Variants in FTCDNL1 observed in about 807,000 individuals in gnomAD.
The protein encoded by FTCDNL1 is formiminotransferase cyclodeaminase N-terminal like.
In FTCDNL1, 11 loss-of-function variants were observed where a neutral mutation model predicts 5.9. The observed-to-expected ratio is 1.87, with a 90% CI of 1.18 to 3.10. The LOEUF (loss-of-function observed/expected upper bound fraction) is 3.10, where lower values mean the gene tolerates loss of function less well. Ranked by LOEUF, FTCDNL1 falls within the 30% of genes most tolerant of loss-of-function variation. The pLI is 0.00. For missense variants in FTCDNL1, 115 were observed against 65.5 expected (o/e 1.76, Z -2.61); for synonymous variants, 58 against 24.8 (o/e 2.34, Z -3.99).
chr2:199,793,984 T>A (rs1700058039), intron 3 of FTCDNL1, among the ~76,000 whole-genome samples: 1 of 152,186 alleles, frequency 6.6e-6, no homozygotes, highest in Non-Finnish European at 1.5e-5. Flanking sequence ...TTTCTAATTA[T>A]CCCAGCTGAA....
intron 3 of FTCDNL1, among the ~76,000 whole-genome samples, chr2:199,843,882 T>C (rs773526089): frequency 1.3e-5 from 2 of 151,578 alleles, no homozygotes; most frequent in Non-Finnish European, 2.9e-5. Flanking sequence ...ACCTTACCCC[T>C]GGGGCTGAAA....
At chr2:199,825,646 G>A (rs1051662866) in intron 3 of FTCDNL1, among the ~76,000 whole-genome samples, 2 of 152,104 alleles carry the variant, frequency 1.3e-5, no homozygotes, top group African/African-American at 4.8e-5. Flanking sequence ...CATCTCTCTT[G>A]CTCCCTCACT....
chr2:199,705,662 AC>A, the FTCDNL1 span, among the ~76,000 whole-genome samples: 4 of 152,048 alleles, frequency 2.6e-5, no homozygotes, highest in African/African-American at 9.7e-5. Context: ...CTTGTTTCCT[AC>A]CTTAAAGAGA....
chr2:199,849,723 CCATACTT>C (rs1559257416), intron 1 of FTCDNL1, among the ~76,000 whole-genome samples: 1 of 152,128 alleles, frequency 6.6e-6, no homozygotes, highest in East Asian at 1.9e-4. Context: ...ACACATCTTT[CCATACTT>C]CAAATGATAT....
the FTCDNL1 span, among the ~76,000 whole-genome samples, chr2:199,713,884 G>C: frequency 6.6e-6 from 1 of 152,140 alleles, no homozygotes; most frequent in Non-Finnish European, 1.5e-5. Context: ...AGTGATGCCA[G>C]AAATGACATC....
At chr2:199,685,962 T>C in the FTCDNL1 span, among the ~76,000 whole-genome samples, 1 of 152,222 alleles carries the variant, frequency 6.6e-6, no homozygotes, top group Non-Finnish European at 1.5e-5. Flanking sequence ...GTCTGGAACA[T>C]GAATAGTTAC....
chr2:199,767,982 A>G (rs72922398), intron 3 of FTCDNL1, among the ~76,000 whole-genome samples: 4,694 of 152,334 alleles, frequency 0.031, 123 homozygotes, highest in East Asian at 0.14. Flanking sequence ...GAAATTTCTC[A>G]ATTAACTGAC....
At chr2:199,761,709 C>T (rs1288364311) in intron 3 of FTCDNL1, among the ~76,000 whole-genome samples, 1 of 152,170 alleles carries the variant, frequency 6.6e-6, no homozygotes, top group Non-Finnish European at 1.5e-5. Context: ...CCAACATCTT[C>T]ATCCACTACA....
chr2:199,833,577 G>A (rs953199012), intron 3 of FTCDNL1, among the ~76,000 whole-genome samples: 2 of 152,236 alleles, frequency 1.3e-5, no homozygotes, highest in African/African-American at 2.4e-5. Context: ...TATCAGCAAT[G>A]TATAAATAGC....
the FTCDNL1 span, among the ~76,000 whole-genome samples, chr2:199,743,072 ATCCCTAGGGC>A: frequency 6.6e-6 from 1 of 152,212 alleles, no homozygotes; most frequent in Non-Finnish European, 1.5e-5. Flanking sequence ...CTGCTGTTTT[ATCCCTAGGGC>A]AATGGGAATA....
At chr2:199,675,591 G>T in the FTCDNL1 span, among the ~76,000 whole-genome samples, 12 of 152,144 alleles carry the variant, frequency 7.9e-5, no homozygotes, top group Non-Finnish European at 1.5e-4. Flanking sequence ...GAGCTCAGCA[G>T]TCCGGAGCTG....
At chr2:199,797,518 T>C (rs1700231279) in intron 3 of FTCDNL1, among the ~76,000 whole-genome samples, 1 of 152,150 alleles carries the variant, frequency 6.6e-6, no homozygotes, top group East Asian at 1.9e-4. Context: ...GGCCATATGG[T>C]GTGAAAATCC....
At chr2:199,792,960 A>T (rs543728886) in intron 3 of FTCDNL1, among the ~76,000 whole-genome samples, 20 of 152,292 alleles carry the variant, frequency 1.3e-4, no homozygotes, top group African/African-American at 4.8e-4. Context: ...CAAATATGTT[A>T]TTAATGTATA....
chr2:199,700,198 A>G, the FTCDNL1 span, among the ~76,000 whole-genome samples: 1 of 152,230 alleles, frequency 6.6e-6, no homozygotes, highest in South Asian at 2.1e-4. Flanking sequence ...CAATTTCAGC[A>G]AAGTTTCAGG....
chr2:199,708,517 G>A, the FTCDNL1 span, among the ~76,000 whole-genome samples: 1 of 152,032 alleles, frequency 6.6e-6, no homozygotes, highest in Non-Finnish European at 1.5e-5. Flanking sequence ...TCTTTAAAAA[G>A]TATTGGGCTG....
the FTCDNL1 span, among the ~76,000 whole-genome samples, chr2:199,667,723 T>C: frequency 6.6e-6 from 1 of 152,194 alleles, no homozygotes; most frequent in Admixed American, 6.5e-5. Context: ...TCCACTTTAT[T>C]AGTGGCTTGG....
chr2:199,848,364 T>C (rs116160432), intron 2 of FTCDNL1, among the ~76,000 whole-genome samples: 1 of 152,310 alleles, frequency 6.6e-6, no homozygotes, highest in Non-Finnish European at 1.5e-5. Context: ...AGGGTAGAAA[T>C]AATAATACTG....
intron 3 of FTCDNL1, among the ~76,000 whole-genome samples, chr2:199,771,128 CA>C (rs1286440900): frequency 6.6e-6 from 1 of 152,222 alleles, no homozygotes; most frequent in African/African-American, 2.4e-5. Flanking sequence ...CATGCGCATT[CA>C]TGGATTAGCC....
At chr2:199,691,448 A>G in the FTCDNL1 span, among the ~76,000 whole-genome samples, 2 of 152,242 alleles carry the variant, frequency 1.3e-5, no homozygotes. Context: ...TCAGCACTAA[A>G]TAATTACAGT....
Sources: allele counts gnomAD v4.1 joint callset (sites outside exome capture counted in the v4.1 genomes callset), GRCh38; gene constraint gnomAD v4.1.1; transcripts MANE v1.5; gene names NCBI Gene and HGNC (gene_info 2026-07-23, HGNC 2026-07-21).